PLEKHG1: variants seen among roughly 807,000 people sequenced by gnomAD.
PLEKHG1 encodes pleckstrin homology domain-containing family G member 1.
A neutral mutation model predicts 100.8 loss-of-function variants in PLEKHG1; 44 were observed. That is an observed-to-expected ratio of 0.44 (90% CI 0.34 to 0.56). The LOEUF (loss-of-function observed/expected upper bound fraction) is 0.56, where lower values mean the gene tolerates loss of function less well. Among genes scored for constraint, PLEKHG1 ranks in the 20% least tolerant of loss-of-function variants. The probability of loss-of-function intolerance (pLI) is 0.01; values close to 1 mark genes in which losing one functional copy is unlikely to be tolerated. For missense variants in PLEKHG1, 1,545 were observed against 1,720.9 expected (o/e 0.90, Z 1.81); for synonymous variants, 640 against 662.5 (o/e 0.97, Z 0.52).
At chr6:150,663,037 A>ATGCTGACCTGCTGACC (rs79245057) in intron 3 of PLEKHG1, 4 of 151,770 alleles carry the variant, frequency 2.6e-5, no homozygotes, top group Non-Finnish European at 5.9e-5. Flanking sequence ...TTGACATGAA[A>ATGCTGACCTGCTGACC]TGCTGACCTG....
rs948061763 is a variant in PLEKHG1, at chr6:150,750,653, C to T, written c.411+16561C>T. ...AAAATTAGCCGGGCGTAGTGGCGGG[C>T]GCCTGTAGTCCCAGCTACTCGGGAG... On this transcript the variant is annotated intron_variant, in intron 2 of 15. Transcript: ENST00000358517. 1.2e-4 allele frequency among the ~76,000 whole-genome samples: 18 copies of T among 148,992 alleles called. No homozygotes were observed. The East Asian group carries it at 2.4e-3, about 20-fold the overall frequency.
At chr6:150,808,638 A>T (rs775990692) in intron 7 of PLEKHG1, among the ~76,000 whole-genome samples, 1 of 152,130 alleles carries the variant, frequency 6.6e-6, no homozygotes, top group Non-Finnish European at 1.5e-5. Flanking sequence ...CTGTAATCCC[A>T]CCTACTCAGG....
intron 3 of PLEKHG1, chr6:150,686,873 A>G (rs1299366530): frequency 2.0e-5 from 3 of 152,674 alleles, no homozygotes; most frequent in Admixed American, 6.5e-5. Flanking sequence ...CCTGGGGAGC[A>G]TGCTGCCAGC....
Position 150,733,564 on chromosome 6 carries a change from A to T in PLEKHG1, c.-98-20A>T. The T allele has an allele frequency of 6.4e-7, 1 of 1,566,850 alleles. No individual in the cohort carries two copies. The highest frequency in any genetic ancestry group is 1.9e-5 in the Admixed American group (1 of 52,762). ...TAGAATTGCTTATCTTGTCCTTTTTATTTTCTTTAATGCATATAGATGGGC... is the reference window on the plus strand; with the variant it reads ...TAGAATTGCTTATCTTGTCCTTTTTTTTTTCTTTAATGCATATAGATGGGC... On this transcript the variant is annotated intron_variant, in intron 1 of 15. Transcript: ENST00000358517.
Position 150,635,403 on chromosome 6 carries a change from T to C in PLEKHG1, c.-203-2677T>C, listed in dbSNP as rs111822586. Among the ~76,000 whole-genome samples the C allele has an allele frequency of 6.6e-3, 1,002 of 152,274 alleles. 15 individuals are homozygous for C. The highest frequency in any genetic ancestry group is 0.023 in the African/African-American group (943 of 41,558). On this transcript the variant is annotated intron_variant, in intron 1 of 3. Coordinates refer to the PLEKHG1 transcript ENST00000367326. ...ATGAGTGGACATTTTAGGAGTGTAG[T>C]TCTGTTGTTTCTTGTTTTGGAATTT...
intron 1 of PLEKHG1, among the ~76,000 whole-genome samples, chr6:150,722,259 A>T (rs1781720985): frequency 6.6e-6 from 1 of 150,646 alleles, no homozygotes; most frequent in Non-Finnish European, 1.5e-5. Flanking sequence ...ATCATTTTAC[A>T]TTGTACCTTC....
At chr6:150,756,926 G>T (rs1440149249) in intron 2 of PLEKHG1, among the ~76,000 whole-genome samples, 1 of 152,156 alleles carries the variant, frequency 6.6e-6, no homozygotes, top group Non-Finnish European at 1.5e-5. Context: ...TATTAAATAA[G>T]TCATATAGGT....
chr6:150,732,990 C>T (rs1020308295), intron 1 of PLEKHG1, among the ~76,000 whole-genome samples: 1 of 152,202 alleles, frequency 6.6e-6, no homozygotes, highest in Non-Finnish European at 1.5e-5. Context: ...TTCTTTAATG[C>T]TGTATGCAAG....
intron 2 of PLEKHG1, among the ~76,000 whole-genome samples, chr6:150,648,892 A>AT (rs1003071166): frequency 1.5e-4 from 23 of 152,090 alleles, no homozygotes; most frequent in Middle Eastern, 3.4e-3. Flanking sequence ...AGTATTCATG[A>AT]TTTTTTTCAT....
At chr6:150,773,361 C>G (rs1028565258) in intron 3 of PLEKHG1, among the ~76,000 whole-genome samples, 4 of 152,270 alleles carry the variant, frequency 2.6e-5, no homozygotes, top group African/African-American at 9.6e-5. Context: ...CAGTGAAACC[C>G]TGTCTCTATC....
Position 150,823,696 on chromosome 6 carries a change from T to C in PLEKHG1, c.1470+20T>C, listed in dbSNP as rs1161048769. On this transcript the variant is annotated intron_variant, in intron 14 of 15. Transcript: ENST00000358517. Reference sequence around the variant, plus strand: ...CAAAAGGTAAGCTCTATCTCATTTCTTACTTGGAAATGTTCACTTCAGGCA... The same window carrying C: ...CAAAAGGTAAGCTCTATCTCATTTCCTACTTGGAAATGTTCACTTCAGGCA... The C allele has an allele frequency of 6.2e-7, 1 of 1,600,920 alleles. No homozygotes were observed. The highest frequency in any genetic ancestry group is 8.6e-7 in the Non-Finnish European group (1 of 1,168,270).
At chr6:150,804,175 A>ATATATATATATATATTTT (rs1173213745) in intron 6 of PLEKHG1, among the ~76,000 whole-genome samples, 1 of 43,172 alleles carries the variant, frequency 2.3e-5, no homozygotes, top group African/African-American at 9.9e-5. Flanking sequence ...ATATATATAT[A>ATATATATATATATATTTT]TTTTTTTTTT....
At chr6:150,686,214 G>A (rs929992973) in intron 3 of PLEKHG1, among the ~76,000 whole-genome samples, 1 of 152,190 alleles carries the variant, frequency 6.6e-6, no homozygotes, top group Non-Finnish European at 1.5e-5. Flanking sequence ...CATTGGATTC[G>A]ATTCATCTTT....
At chr6:150,640,162 C>G (rs959616814) in intron 2 of PLEKHG1, among the ~76,000 whole-genome samples, 1 of 152,214 alleles carries the variant, frequency 6.6e-6, no homozygotes, top group Non-Finnish European at 1.5e-5. Flanking sequence ...CCAGTAGGAC[C>G]GATCACCTGA....
intron 3 of PLEKHG1, among the ~76,000 whole-genome samples, chr6:150,784,244 A>G (rs1263917255): frequency 2.0e-5 from 3 of 152,206 alleles, no homozygotes; most frequent in Non-Finnish European, 4.4e-5. Context: ...CTATCACAAA[A>G]TTTTGTAATT....
intron 2 of PLEKHG1, among the ~76,000 whole-genome samples, chr6:150,638,376 T>C (rs1038448115): frequency 3.3e-5 from 5 of 151,974 alleles, no homozygotes; most frequent in African/African-American, 1.2e-4. Flanking sequence ...GCTAGTCCAA[T>C]TGCCCTCCTT....
chr6:150,827,654 G>A, intron 14 of PLEKHG1: 1 of 852,616 alleles, frequency 1.2e-6, no homozygotes, highest in Non-Finnish European at 2.1e-6. Flanking sequence ...CAACTGAACT[G>A]GAAACAAGAT....
intron 3 of PLEKHG1, among the ~76,000 whole-genome samples, chr6:150,673,048 T>C (rs1326317406): frequency 2.0e-5 from 3 of 152,210 alleles, no homozygotes; most frequent in Non-Finnish European, 4.4e-5. Context: ...TGAAACTGAT[T>C]TTTTTCATAG....
intron 1 of PLEKHG1, among the ~76,000 whole-genome samples, chr6:150,621,177 A>C (rs1777284679): frequency 1.3e-5 from 2 of 152,254 alleles, no homozygotes; most frequent in African/African-American, 4.8e-5. Flanking sequence ...AGGACTTGAT[A>C]TAATTATGTA....
Sources: allele counts gnomAD v4.1 joint callset (sites outside exome capture counted in the v4.1 genomes callset), GRCh38; gene constraint gnomAD v4.1.1; transcripts MANE v1.5; gene names NCBI Gene and HGNC (gene_info 2026-07-23, HGNC 2026-07-21).